The following RBFOX2 variants were observed in gnomAD, a reference collection of about 807,000 sequenced individuals.
The protein encoded by RBFOX2 is RNA binding fox-1 homolog 2, also known as RNA binding protein fox-1 homolog 2.
Under a neutral mutation model 49.1 loss-of-function variants are expected in RBFOX2, and 10 were observed. That is an observed-to-expected ratio of 0.20 (90% CI 0.13 to 0.35). RBFOX2 has a LOEUF of 0.35. RBFOX2 is among the 10% of genes least tolerant of loss of function. The probability of loss-of-function intolerance (pLI) is 1.00; values close to 1 mark genes in which losing one functional copy is unlikely to be tolerated. For synonymous variants in RBFOX2, 183 were observed against 187.4 expected, an observed-to-expected ratio of 0.98 and a Z score of 0.19; for missense variants, 323 against 486.9, an observed-to-expected ratio of 0.66 and a Z score of 3.17.
At chr22:35,903,041 A>C (rs547745339) in intron 1 of RBFOX2, among the ~76,000 whole-genome samples, 28 of 152,286 alleles carry the variant, frequency 1.8e-4, no homozygotes, top group African/African-American at 6.3e-4. Context: ...TATAATAAGT[A>C]AATGATTAAA....
chr22:36,012,500 G>A (rs750999386), intron 1 of RBFOX2, among the ~76,000 whole-genome samples: 1 of 152,112 alleles, frequency 6.6e-6, no homozygotes, highest in Non-Finnish European at 1.5e-5. Context: ...TGGCAGAATC[G>A]CTTGAGGAGT....
intron 1 of RBFOX2, among the ~76,000 whole-genome samples, chr22:35,990,283 G>C (rs1044110034): frequency 5.3e-5 from 8 of 152,180 alleles, no homozygotes; most frequent in Non-Finnish European, 1.2e-4. Flanking sequence ...GCTGTACTGA[G>C]TTTTGCCAGG....
At chr22:35,875,114 T>C (rs894721360) in intron 1 of RBFOX2, among the ~76,000 whole-genome samples, 1 of 152,194 alleles carries the variant, frequency 6.6e-6, no homozygotes, top group Non-Finnish European at 1.5e-5. Context: ...TCTGCCTTGC[T>C]GGCTCCTTGG....
intron 1 of RBFOX2, among the ~76,000 whole-genome samples, chr22:36,016,643 C>G (rs1001623230): frequency 1.3e-5 from 2 of 152,186 alleles, no homozygotes; most frequent in African/African-American, 4.8e-5. Context: ...ACCTAAGTCC[C>G]TAAGAAAACC....
At chr22:36,010,102 C>G (rs1000234757) in intron 1 of RBFOX2, among the ~76,000 whole-genome samples, 1 of 152,126 alleles carries the variant, frequency 6.6e-6, no homozygotes, top group African/African-American at 2.4e-5. Context: ...TCCTGAAACA[C>G]TACTGAGACC....
At position 35,759,680 on chromosome 22, in the gene RBFOX2, T is replaced by A. The variant is rs762400873; in HGVS notation, c.887+208A>T. Among the ~76,000 whole-genome samples the A allele has an allele frequency of 1.7e-4, 26 of 152,218 alleles. No individual in the cohort carries two copies. Among genetic ancestry groups the A allele is most frequent in the Admixed American group, 4.6e-4 (7 of 15,286 alleles). On this transcript the variant is annotated intron_variant, in intron 9 of 11. Coordinates refer to ENST00000405409, the Ensembl canonical transcript of RBFOX2. The surrounding 1 kb of genome is among the most constrained non-coding windows in gnomAD (Gnocchi z 4.6). ...CCATGAGGGCTTAAGGTGGCCAAAA[T>A]GAAGACTTATAATGAATTGACAGTT...
At chr22:35,825,176 C>A (rs917509742) in intron 1 of RBFOX2, among the ~76,000 whole-genome samples, 1 of 152,150 alleles carries the variant, frequency 6.6e-6, no homozygotes, top group East Asian at 1.9e-4. Context: ...GCCATGATGG[C>A]GCCACTGTAC....
chr22:35,861,053 A>G (rs1352999008), intron 1 of RBFOX2, among the ~76,000 whole-genome samples: 1 of 152,212 alleles, frequency 6.6e-6, no homozygotes, highest in Non-Finnish European at 1.5e-5. Flanking sequence ...CCAGAAATAG[A>G]TCCACAGGTG....
chr22:35,865,800 T>C (rs1181189005), intron 1 of RBFOX2, among the ~76,000 whole-genome samples: 2 of 152,170 alleles, frequency 1.3e-5, no homozygotes, highest in African/African-American at 4.8e-5. Flanking sequence ...ACCCAAAAGA[T>C]TCCAAATGAT....
chr22:35,942,464 G>GA (rs1321572385), upstream of RBFOX2, among the ~76,000 whole-genome samples: 1 of 151,922 alleles, frequency 6.6e-6, no homozygotes. Context: ...TTGCCTTAGT[G>GA]AAAAACTAGG....
At position 35,759,818 on chromosome 22, in the gene RBFOX2, G is replaced by A; in HGVS notation, c.887+70C>T. On this transcript the variant is annotated intron_variant, in intron 9 of 11. Transcript: ENST00000405409. This position sits in a 1 kb window ranked among gnomAD's most constrained non-coding sequence, Gnocchi z 4.6. ...GGCAACATCCCAGAAGTTATGAAAG[G>A]GCCATGGTATTCTTTTTTGGTCCAA... 1.9e-6 allele frequency: 3 copies of A among 1,584,220 alleles called. No homozygotes were observed. Among genetic ancestry groups the A allele is most frequent in the Non-Finnish European group, 2.6e-6 (3 of 1,156,234 alleles).
chr22:35,845,463 AC>A (rs1349846609), upstream of RBFOX2, among the ~76,000 whole-genome samples: 1 of 152,200 alleles, frequency 6.6e-6, no homozygotes, highest in Admixed American at 6.5e-5. Context: ...CTTATAAAAA[AC>A]AATCCTCATT....
chr22:36,013,199 G>A (rs1211843069), intron 1 of RBFOX2, among the ~76,000 whole-genome samples: 2 of 152,080 alleles, frequency 1.3e-5, no homozygotes, highest in African/African-American at 4.8e-5. Flanking sequence ...CTTGAGCCCA[G>A]GAGTTCAAGG....
At chr22:35,871,218 T>C (rs1445882384) in intron 1 of RBFOX2, among the ~76,000 whole-genome samples, 4 of 152,220 alleles carry the variant, frequency 2.6e-5, no homozygotes, top group Non-Finnish European at 4.4e-5. Flanking sequence ...CCAAGACCTA[T>C]GCTCTAAAAT....
chr22:35,757,256 C>T (rs961720650), intron 9 of RBFOX2, among the ~76,000 whole-genome samples: 1 of 150,764 alleles, frequency 6.6e-6, no homozygotes, highest in Non-Finnish European at 1.5e-5. Flanking sequence ...CTAAGCAACA[C>T]TATATTCTTA....
rs1440498607 is a variant in RBFOX2, at chr22:35,955,360, AAACC to A, written c.42+6199_42+6202del. 3.9e-5 allele frequency among the ~76,000 whole-genome samples: 6 copies of A among 152,324 alleles called. No homozygotes were observed. The South Asian group carries it at 8.3e-4, about 21-fold the overall frequency. On this transcript the variant is annotated intron_variant, in intron 1 of 5. Coordinates refer to the RBFOX2 transcript ENST00000408983. ...TAATTCCTTTAAAAGTATCAATAAT[AAACC>A]AACCATTATATTAGCCTAAAAAATA...
intron 1 of RBFOX2, among the ~76,000 whole-genome samples, chr22:35,896,934 T>C (rs1454178063): frequency 6.6e-6 from 1 of 152,220 alleles, no homozygotes; most frequent in Non-Finnish European, 1.5e-5. Flanking sequence ...CTTAGACTCT[T>C]TTACATGTCC....
chr22:36,000,005 A>ATTTTTT (rs58232315), intron 1 of RBFOX2: 1 of 118,984 alleles, frequency 8.4e-6, no homozygotes, highest in Non-Finnish European at 1.7e-5. Context: ...ATATATATAT[A>ATTTTTT]TTTTTTTTTT....
At position 35,756,770 on chromosome 22, in the gene RBFOX2, GTAT is replaced by G. The variant is rs1333886274; in HGVS notation, c.887+3115_887+3117del. On this transcript the variant is annotated intron_variant, in intron 9 of 11. Coordinates refer to ENST00000405409, the Ensembl canonical transcript of RBFOX2. The stretch of plus-strand genomic sequence containing the variant: ...TTGGCTGATCACACAAGCATGCAAA[GTAT>G]TATTATTCAGCATTTTAAGAACCAA... Among the ~76,000 whole-genome samples the G allele has an allele frequency of 2.0e-5, 3 of 152,072 alleles. No homozygotes were observed. In the East Asian group the frequency reaches 5.8e-4, roughly 29 times the overall value.
Sources: gnomAD v4.1 joint callset for allele counts (sites outside exome capture counted in the v4.1 genomes callset) on GRCh38, gnomAD v4.1.1 for gene constraint, Gnocchi (gnomAD v3.1) non-coding constraint, MANE v1.5 for transcripts, NCBI Gene and HGNC (gene_info 2026-07-23, HGNC 2026-07-21) for gene names.